Variants in MYO10 observed in about 807,000 individuals in gnomAD.
MYO10 encodes the protein unconventional myosin-X.
MYO10 carries 133 observed loss-of-function variants against 257.3 expected under a neutral mutation model. The ratio of observed to expected loss-of-function variants is 0.52; its 90% CI spans 0.45 to 0.60. MYO10 has a LOEUF of 0.60. Ranked by LOEUF, MYO10 falls within the 20% of genes least tolerant of loss-of-function variation. The pLI is 0.00. For missense variants in MYO10, 2,399 were observed against 2,635.7 expected (o/e 0.91, Z 1.97); for synonymous variants, 1,104 against 1,028.6 (o/e 1.07, Z -1.40).
chr5:16,762,254 C>T (rs541372942), intron 15 of MYO10, 141 bp from the exon 16 acceptor site: 8 of 1,099,864 alleles, frequency 7.3e-6, no homozygotes, highest in South Asian at 1.9e-5. Context: ...TTTCAGGACA[C>T]GGCATATGGT....
At chr5:16,678,212 A>C (rs1736826060) in intron 33 of MYO10, among the ~76,000 whole-genome samples, 2 of 152,232 alleles carry the variant, frequency 1.3e-5, no homozygotes, top group African/African-American at 2.4e-5. Context: ...TTAAGGCTAA[A>C]AATGAAATTA....
chr5:16,868,961 A>G (rs1011666399), intron 2 of MYO10, among the ~76,000 whole-genome samples: 2 of 152,208 alleles, frequency 1.3e-5, no homozygotes, highest in African/African-American at 4.8e-5. Flanking sequence ...AATTCCTTAA[A>G]GACTGAATGA....
At chr5:16,889,288 C>T (rs1468923103) in intron 1 of MYO10, among the ~76,000 whole-genome samples, 3 of 151,332 alleles carry the variant, frequency 2.0e-5, no homozygotes, top group South Asian at 4.2e-4. Flanking sequence ...TGCCTGTAAT[C>T]CCAGGCAGTC....
At chr5:16,924,505 T>C (rs1561062684) in intron 1 of MYO10, among the ~76,000 whole-genome samples, 1 of 152,112 alleles carries the variant, frequency 6.6e-6, no homozygotes, top group African/African-American at 2.4e-5. Context: ...ATCTGCAAAC[T>C]TTGTGATCCA....
chr5:16,720,295 C>T (rs1004798676), intron 19 of MYO10, among the ~76,000 whole-genome samples: 2 of 152,102 alleles, frequency 1.3e-5, no homozygotes, highest in Admixed American at 1.3e-4. Context: ...ACTGCCTTAA[C>T]TTGGGAGCTT....
chr5:16,860,817 C>T (rs760320268), intron 2 of MYO10, among the ~76,000 whole-genome samples: 22 of 151,088 alleles, frequency 1.5e-4, no homozygotes, highest in Non-Finnish European at 2.1e-4. Context: ...ACGCAAGCAC[C>T]GAAGACATTC....
intron 4 of MYO10, among the ~76,000 whole-genome samples, chr5:16,793,661 G>A (rs1741838442): frequency 6.6e-6 from 1 of 152,274 alleles, no homozygotes; most frequent in Non-Finnish European, 1.5e-5. Context: ...CGGGAGCGGT[G>A]GCTCACGCCT....
intron 26 of MYO10, among the ~76,000 whole-genome samples, chr5:16,698,612 G>C (rs1446766254): frequency 6.8e-6 from 1 of 146,348 alleles, no homozygotes; most frequent in Non-Finnish European, 1.5e-5. Flanking sequence ...CCTGGCAGGA[G>C]AGAACATGCA....
intron 12 of MYO10, 144 bp from the exon 13 acceptor site, chr5:16,763,899 C>T (rs935824152): frequency 3.5e-5 from 23 of 666,134 alleles, no homozygotes; most frequent in African/African-American, 1.8e-4. Flanking sequence ...TATCCCAGCA[C>T]TTTGGGAGGC....
intron 5 of MYO10, 125 bp downstream of exon 5, chr5:16,783,210 G>C: frequency 1.0e-6 from 1 of 984,550 alleles, no homozygotes; most frequent in South Asian, 1.8e-5. Flanking sequence ...CTTTTCTTAA[G>C]GAATTGTAAA....
At chr5:16,711,363 T>G in intron 19 of MYO10, 118 bp from the exon 20 acceptor site, 1 of 1,059,776 alleles carries the variant, frequency 9.4e-7, no homozygotes, top group Non-Finnish European at 1.4e-6. Context: ...CATACGAGAA[T>G]CTTGAACCTA....
intron 17 of MYO10, among the ~76,000 whole-genome samples, chr5:16,760,677 A>C (rs940664730): frequency 2.6e-5 from 4 of 152,128 alleles, no homozygotes; most frequent in African/African-American, 9.7e-5. Flanking sequence ...GAGTCCTATA[A>C]AACCAAGGCT....
intron 2 of MYO10, among the ~76,000 whole-genome samples, chr5:16,844,586 G>A (rs897988917): frequency 1.3e-5 from 2 of 152,106 alleles, no homozygotes; most frequent in Non-Finnish European, 2.9e-5. Flanking sequence ...TGGTGTTGGT[G>A]CATATTATGA....
chr5:16,864,699 A>G (rs985928024), intron 2 of MYO10, among the ~76,000 whole-genome samples: 2 of 152,202 alleles, frequency 1.3e-5, no homozygotes, highest in Admixed American at 6.5e-5. Flanking sequence ...TAAGTGCGCT[A>G]ATAAACAAGC....
chr5:16,710,876 T>A, intron 21 of MYO10, 32 bp downstream of exon 21: 3 of 1,569,680 alleles, frequency 1.9e-6, no homozygotes, highest in Non-Finnish European at 2.6e-6. Context: ...TGTCAGGGAT[T>A]CGGTGGGAGT....
chr5:16,893,840 C>T (rs1162768823), intron 1 of MYO10, among the ~76,000 whole-genome samples: 1 of 151,986 alleles, frequency 6.6e-6, no homozygotes, highest in Non-Finnish European at 1.5e-5. Flanking sequence ...GTCACTGTTA[C>T]GTGCTGAAAT....
At chr5:16,671,233 G>A (rs1458008483) in intron 38 of MYO10, among the ~76,000 whole-genome samples, 189 bp downstream of exon 38, 1 of 152,140 alleles carries the variant, frequency 6.6e-6, no homozygotes, top group African/African-American at 2.4e-5. Context: ...TCCCTGGAAC[G>A]GAGGTTCAAA....
chr5:16,930,731 G>A (rs570251554), intron 1 of MYO10, among the ~76,000 whole-genome samples: 3 of 152,240 alleles, frequency 2.0e-5, no homozygotes, highest in South Asian at 2.1e-4. Context: ...GAACTATTAC[G>A]CCCATTTACA....
intron 19 of MYO10, among the ~76,000 whole-genome samples, chr5:16,730,313 G>A (rs1259830416): frequency 1.3e-5 from 2 of 152,150 alleles, no homozygotes; most frequent in East Asian, 3.9e-4. Flanking sequence ...CTCTGTCTTA[G>A]TGCTGAAAAG....
Sources: gnomAD v4.1 joint callset for allele counts (sites outside exome capture counted in the v4.1 genomes callset) on GRCh38, gnomAD v4.1.1 for gene constraint, MANE v1.5 for transcripts, NCBI Gene and HGNC (gene_info 2026-07-23, HGNC 2026-07-21) for gene names.